The following RCC2 variants were observed in gnomAD, a reference collection of about 807,000 sequenced individuals.
RCC2 encodes the protein protein RCC2.
RCC2 carries 19 observed loss-of-function variants against 64.1 expected under a neutral mutation model. The ratio of observed to expected loss-of-function variants is 0.30; its 90% CI spans 0.21 to 0.44. RCC2 has a LOEUF of 0.44. Among genes scored for constraint, RCC2 ranks in the 20% least tolerant of loss-of-function variants. RCC2 has a pLI of 1.00. For missense variants in RCC2, 508 were observed against 710.4 expected, an observed-to-expected ratio of 0.72 and a Z score of 3.24; for synonymous variants, 325 against 279.6, an observed-to-expected ratio of 1.16 and a Z score of -1.62.
intron 4 of RCC2, among the ~76,000 whole-genome samples, chr1:17,423,899 A>G (rs1173434442): frequency 6.6e-6 from 1 of 152,238 alleles, no homozygotes; most frequent in Admixed American, 6.5e-5. Flanking sequence ...TTGCAGGAGC[A>G]GCCTCTGACT....
In RCC2 at chr1:17,438,232, C is replaced by T. The variant is rs768950488; in HGVS notation, c.283G>A (p.Val95Ile). 1.1e-5 allele frequency: 15 copies of T among 1,306,168 alleles called. No individual in the cohort carries two copies. The highest frequency in any genetic ancestry group is 1.4e-5 in the Non-Finnish European group (14 of 1,009,188). The allele number at this position is 1,306,168 out of a possible 1,614,324, so 80.9% of individuals were successfully genotyped here. ...ITEPEHTKERVKLEGSKCKGQ... is the reference protein window; with the variant it reads ...ITEPEHTKERIKLEGSKCKGQ... The stretch of plus-strand genomic sequence containing the variant: ...CGTCTACCCTGACCCTCACTCACGA[C>T]GCGCTCCTTGGTGTGCTCGGGTTCG... The change falls in exon 2 of 13, where the codon GTC becomes ATC. Residue 95 changes from valine to isoleucine, a missense_variant and splice_region_variant. This residue lies in a region of RCC2 where 195 missense variants were observed against 158.3 expected (regional missense o/e 1.23). Transcript: ENST00000375436.
intron 8 of RCC2, 141 bp downstream of exon 8, chr1:17,416,339 G>C: frequency 1.1e-6 from 1 of 893,412 alleles, no homozygotes; most frequent in South Asian, 1.8e-5. Flanking sequence ...CTTTGGCCAA[G>C]GTGCAAAGCC....
intron 3 of RCC2, among the ~76,000 whole-genome samples, chr1:17,428,269 A>T (rs2075638769): frequency 6.6e-6 from 1 of 152,260 alleles, no homozygotes; most frequent in Non-Finnish European, 1.5e-5. Context: ...TCCCTGGGAC[A>T]AAAGCCACCA....
intron 2 of RCC2, among the ~76,000 whole-genome samples, chr1:17,432,455 A>G (rs1451878310): frequency 2.0e-5 from 3 of 152,252 alleles, no homozygotes; most frequent in Non-Finnish European, 4.4e-5. Flanking sequence ...GCCAGAGGGC[A>G]AGCCTAGAAA....
At chr1:17,422,534 G>A (rs2075566817) in intron 5 of RCC2, among the ~76,000 whole-genome samples, 171 bp downstream of exon 5, 1 of 152,258 alleles carries the variant, frequency 6.6e-6, no homozygotes, top group East Asian at 1.9e-4. Context: ...TGGCCACTGG[G>A]GAGGCTCCCA....
rs553411503 is a variant in RCC2 at position 17,431,204 on chromosome 1, G to A, written c.286-2005C>T. Among the ~76,000 whole-genome samples the A allele has an allele frequency of 8.1e-4, 121 of 149,124 alleles. 1 individual carries two copies. The highest frequency in any genetic ancestry group is 2.9e-3 in the African/African-American group (116 of 40,634). On this transcript the variant is annotated intron_variant, in intron 2 of 12. Coordinates refer to ENST00000375436, the MANE Select transcript of RCC2 (RefSeq NM_018715.4). ...AAAAAATTAGCCGGGCATGGTGACC[G>A]GCACCTGTAGTCCCAGCTACTCGGG... is the stretch of plus-strand genomic sequence containing the variant.
In RCC2 at chr1:17,411,207, G is replaced by A. The variant is rs74532276; in HGVS notation, c.1386+915C>T. Among the ~76,000 whole-genome samples the A allele has an allele frequency of 4.0e-3, 607 of 152,202 alleles. 7 individuals carry two copies. Among genetic ancestry groups the A allele is most frequent in the Non-Finnish European group, 5.8e-3 (397 of 68,010 alleles). The stretch of plus-strand genomic sequence containing the variant: ...AACTAAGACCACCAAGAGTTAAGCG[G>A]AGAATCAAACCATGACTAGTGTAGG... On this transcript the variant is annotated intron_variant, in intron 11 of 12. Transcript: ENST00000375436.
chr1:17,412,900 C>T (rs1048238951), intron 10 of RCC2, among the ~76,000 whole-genome samples, 173 bp downstream of exon 10: 3 of 152,212 alleles, frequency 2.0e-5, no homozygotes. Flanking sequence ...CAAATGGGCC[C>T]TCTCCCCTCC....
intron 3 of RCC2, among the ~76,000 whole-genome samples, chr1:17,425,952 C>A (rs2100379694): frequency 6.6e-6 from 1 of 152,330 alleles, no homozygotes; most frequent in South Asian, 2.1e-4. Flanking sequence ...TCGGCCCCAG[C>A]CCCCTCTCTG....
intron 11 of RCC2, among the ~76,000 whole-genome samples, chr1:17,411,404 C>G (rs1404210929): frequency 1.3e-5 from 2 of 152,050 alleles, no homozygotes; most frequent in Non-Finnish European, 2.9e-5. Flanking sequence ...GGTGAAACCC[C>G]ATCTCTACCA....
intron 2 of RCC2, among the ~76,000 whole-genome samples, chr1:17,431,313 G>C (rs1182627233): frequency 2.0e-5 from 2 of 99,762 alleles, no homozygotes; most frequent in South Asian, 6.8e-4. Context: ...CAGCCTGGGC[G>C]ACTGAGCAAG....
At chr1:17,431,401 T>C (rs1419590841) in intron 2 of RCC2, among the ~76,000 whole-genome samples, 1 of 104,654 alleles carries the variant, frequency 9.6e-6, no homozygotes, top group Admixed American at 1.2e-4. Flanking sequence ...GTGTGGTGGC[T>C]CACGCCTGTC....
intron 3 of RCC2, among the ~76,000 whole-genome samples, chr1:17,428,275 C>T (rs2075638965): frequency 6.6e-6 from 1 of 152,270 alleles, no homozygotes; most frequent in Non-Finnish European, 1.5e-5. Context: ...GGACAAAAGC[C>T]ACCATGTGGA....
At chr1:17,421,209 A>G (rs1169833820) in intron 6 of RCC2, among the ~76,000 whole-genome samples, 1 of 152,178 alleles carries the variant, frequency 6.6e-6, no homozygotes, top group East Asian at 1.9e-4. Flanking sequence ...TTAGAAAAAA[A>G]AAGACTGCCT....
intron 7 of RCC2, among the ~76,000 whole-genome samples, chr1:17,419,042 G>T (rs974389315): frequency 6.6e-6 from 1 of 152,142 alleles, no homozygotes; most frequent in Non-Finnish European, 1.5e-5. Flanking sequence ...CTAGAGGGGT[G>T]ACAGCTCTTT....
At chr1:17,428,201 A>G (rs1327060172) in intron 3 of RCC2, among the ~76,000 whole-genome samples, 2 of 152,236 alleles carry the variant, frequency 1.3e-5, no homozygotes, top group Non-Finnish European at 2.9e-5. Flanking sequence ...CGGGCACAGG[A>G]CTGGCAACAA....
chr1:17,428,732 T>G (rs2100384643), intron 3 of RCC2, among the ~76,000 whole-genome samples: 1 of 152,338 alleles, frequency 6.6e-6, no homozygotes, highest in East Asian at 1.9e-4. Flanking sequence ...GCCTGAAATT[T>G]TGACACCTGA....
intron 4 of RCC2, among the ~76,000 whole-genome samples, chr1:17,423,611 A>C (rs2075580675): frequency 6.6e-6 from 1 of 152,238 alleles, no homozygotes; most frequent in Non-Finnish European, 1.5e-5. Flanking sequence ...GGCCAAAAGG[A>C]GGGCTGGGAG....
rs1375606705 is a variant in RCC2 at position 17,408,794 on chromosome 1, A to G, written c.*296T>C. The stretch of plus-strand genomic sequence containing the variant: ...AGAGGAAGAAAGAAAAAACTTAAAA[A>G]AAAAAAAAACCTAGATTGCTCAAAG... On this transcript the variant is annotated 3_prime_UTR_variant, in exon 13 of 13. Coordinates refer to ENST00000375436, the MANE Select transcript of RCC2 (RefSeq NM_018715.4). 1.2e-5 allele frequency: 4 copies of G among 331,684 alleles called. No homozygotes were observed. The highest frequency in any genetic ancestry group is 2.2e-5 in the Non-Finnish European group (4 of 182,928). 20.5% of individuals were successfully genotyped at this position (331,684 alleles called of 1,614,324 possible).
Sources: gnomAD v4.1 joint callset for allele counts (sites outside exome capture counted in the v4.1 genomes callset) on GRCh38, gnomAD v4.1.1 for gene constraint, gnomAD v4.1.1 regional missense constraint, MANE v1.5 for transcripts, NCBI Gene and HGNC (gene_info 2026-07-23, HGNC 2026-07-21) for gene names.